ZNF704: variants seen among roughly 807,000 people sequenced by gnomAD.
ZNF704 encodes glucocorticoid induced gene 1.
ZNF704 carries 10 observed loss-of-function variants against 44.7 expected under a neutral mutation model. The ratio of observed to expected loss-of-function variants is 0.22; its 90% CI spans 0.14 to 0.38. The LOEUF (loss-of-function observed/expected upper bound fraction) is 0.38, where lower values mean the gene tolerates loss of function less well. Ranked by LOEUF, ZNF704 falls within the 10% of genes least tolerant of loss-of-function variation. ZNF704 has a pLI of 1.00. For missense variants in ZNF704, 390 were observed against 545.5 expected (o/e 0.71, Z 2.84); for synonymous variants, 211 against 207.6 (o/e 1.02, Z -0.14).
Position 80,857,486 on chromosome 8 carries a change from C to G in ZNF704, c.-22+17085G>C, listed in dbSNP as rs941854661. ...CTATTGAGATAATCATATGGTGTTA[C>G]CCTTTCAATCTATTAATACAGTAAT... On this transcript the variant is annotated intron_variant, in intron 1 of 8. Coordinates refer to ENST00000327835, the MANE Select transcript of ZNF704 (RefSeq NM_001033723.3). 5.3e-5 allele frequency among the ~76,000 whole-genome samples: 8 copies of G among 152,190 alleles called. No individual in the cohort carries two copies. The South Asian group carries it at 1.4e-3, about 28-fold the overall frequency.
chr8:80,750,170 C>T (rs1563540560), intron 2 of ZNF704, among the ~76,000 whole-genome samples: 2 of 152,138 alleles, frequency 1.3e-5, no homozygotes, highest in African/African-American at 2.4e-5. Context: ...TCCCCCCAGG[C>T]AGCTGCAACA....
At chr8:80,709,254 C>T (rs2131656320) in intron 2 of ZNF704, among the ~76,000 whole-genome samples, 1 of 151,864 alleles carries the variant, frequency 6.6e-6, no homozygotes, top group East Asian at 1.9e-4. Context: ...ATCATGCTGG[C>T]TAACACGGTG....
At chr8:80,705,951 C>G (rs912983895) in intron 2 of ZNF704, among the ~76,000 whole-genome samples, 2 of 152,190 alleles carry the variant, frequency 1.3e-5, no homozygotes, top group African/African-American at 4.8e-5. Flanking sequence ...ACCAGTCACT[C>G]CTGGAGTCCT....
chr8:80,848,024 T>C (rs907447510), intron 1 of ZNF704, among the ~76,000 whole-genome samples: 9 of 152,320 alleles, frequency 5.9e-5, no homozygotes, highest in Middle Eastern at 3.4e-3. Context: ...AACCCACATG[T>C]CCTTCAATGG....
At chr8:80,650,358 A>C (rs1434720961) in intron 7 of ZNF704, among the ~76,000 whole-genome samples, 1 of 152,212 alleles carries the variant, frequency 6.6e-6, no homozygotes, top group East Asian at 1.9e-4. Context: ...TCAGACGATC[A>C]AACTACTCCG....
chr8:80,761,762 G>T (rs541166388), intron 2 of ZNF704, among the ~76,000 whole-genome samples: 1 of 152,332 alleles, frequency 6.6e-6, no homozygotes, highest in African/African-American at 2.4e-5. Flanking sequence ...GGGTGTAAAA[G>T]TTATGAGAAG....
At chr8:80,715,210 T>C (rs778802232) in intron 2 of ZNF704, among the ~76,000 whole-genome samples, 1 of 152,244 alleles carries the variant, frequency 6.6e-6, no homozygotes, top group Admixed American at 6.5e-5. Context: ...TCGGACACTA[T>C]TAATGTATAA....
chr8:80,690,846 T>TA (rs1286976067), intron 3 of ZNF704, among the ~76,000 whole-genome samples: 1 of 152,100 alleles, frequency 6.6e-6, no homozygotes, highest in African/African-American at 2.4e-5. Flanking sequence ...CTGTCTCTAC[T>TA]AAAAATACAA....
In ZNF704 at chr8:80,689,958, T is replaced by G. The variant is rs564885231; in HGVS notation, c.326-2500A>C. Among the ~76,000 whole-genome samples the G allele has an allele frequency of 2.0e-5, 3 of 152,190 alleles. No individual in the cohort carries two copies. The East Asian group carries it at 5.8e-4, about 29-fold the overall frequency. The stretch of plus-strand genomic sequence containing the variant: ...CTGGACTCTCACCCTCTTTGCAGAC[T>G]CACTTCCTGATAGAATGATCCTTTT... On this transcript the variant is annotated intron_variant, in intron 3 of 8. Coordinates refer to ENST00000327835, the MANE Select transcript of ZNF704 (RefSeq NM_001033723.3).
Position 80,782,838 on chromosome 8 carries a change from C to T in ZNF704, c.221+38536G>A, listed in dbSNP as rs529182347. Among the ~76,000 whole-genome samples the T allele has an allele frequency of 1.2e-4, 18 of 152,114 alleles. No homozygotes were observed. The South Asian group carries it at 3.5e-3, about 30-fold the overall frequency. On this transcript the variant is annotated intron_variant, in intron 2 of 8. Transcript: ENST00000327835. ...AATCCTCACAAAATCCTCCTGTCGT[C>T]CCTCTATGTGGGTTTTGCATCCCGT... is the stretch of plus-strand genomic sequence containing the variant.
chr8:80,873,790 C>G (rs2130086331), intron 1 of ZNF704: 1 of 151,938 alleles, frequency 6.6e-6, no homozygotes, highest in African/African-American at 2.4e-5. Context: ...CTAGAAGCAG[C>G]AGCACCGGCG....
At chr8:80,869,639 T>A (rs1282574120) in intron 1 of ZNF704, among the ~76,000 whole-genome samples, 1 of 152,214 alleles carries the variant, frequency 6.6e-6, no homozygotes, top group Non-Finnish European at 1.5e-5. Context: ...ACATCTTTGG[T>A]TCCTCCCTAA....
chr8:80,721,072 T>C (rs1414837980), intron 2 of ZNF704, among the ~76,000 whole-genome samples: 2 of 152,194 alleles, frequency 1.3e-5, no homozygotes, highest in Non-Finnish European at 2.9e-5. Flanking sequence ...GTCAATTGCT[T>C]ACACCCTCTT....
intron 2 of ZNF704, among the ~76,000 whole-genome samples, chr8:80,753,871 C>G (rs1806990772): frequency 6.6e-6 from 1 of 152,196 alleles, no homozygotes; most frequent in African/African-American, 2.4e-5. Context: ...CTCCGACCCT[C>G]AAAGGCAGAC....
intron 1 of ZNF704, among the ~76,000 whole-genome samples, chr8:80,843,223 G>A (rs1197235126): frequency 2.0e-5 from 3 of 152,102 alleles, no homozygotes; most frequent in Non-Finnish European, 2.9e-5. Flanking sequence ...ATCTGTAGAC[G>A]GTGGGACTTT....
Position 80,746,889 on chromosome 8 carries a change from A to G in ZNF704, c.222-53782T>C, listed in dbSNP as rs142500646. Among the ~76,000 whole-genome samples the G allele has an allele frequency of 2.4e-3, 359 of 152,312 alleles. 1 individual carries two copies. The highest frequency in any genetic ancestry group is 8.3e-3 in the African/African-American group (344 of 41,554). On this transcript the variant is annotated intron_variant, in intron 2 of 8. Coordinates refer to ENST00000327835, the MANE Select transcript of ZNF704 (RefSeq NM_001033723.3). ...ACATTATTAATAAGGTGAAATGAAA[A>G]TATAGTTGGGAAAGTACACATCAAT...
chr8:80,853,319 G>A (rs189124218), intron 1 of ZNF704, among the ~76,000 whole-genome samples: 10 of 152,312 alleles, frequency 6.6e-5, no homozygotes, highest in East Asian at 5.8e-4. Flanking sequence ...AGTGAGCCAC[G>A]TTTGCACCAC....
chr8:80,840,129 C>A (rs1402766896), intron 1 of ZNF704, among the ~76,000 whole-genome samples: 1 of 152,126 alleles, frequency 6.6e-6, no homozygotes, highest in Non-Finnish European at 1.5e-5. Flanking sequence ...ATGAGGCCAG[C>A]CTGCAAGAGC....
At chr8:80,851,158 T>C (rs1394769225) in intron 1 of ZNF704, among the ~76,000 whole-genome samples, 2 of 152,188 alleles carry the variant, frequency 1.3e-5, no homozygotes, top group East Asian at 3.9e-4. Flanking sequence ...ATACAGTGTT[T>C]GTGGCGATTC....
Sources: allele counts gnomAD v4.1 joint callset (sites outside exome capture counted in the v4.1 genomes callset), GRCh38; gene constraint gnomAD v4.1.1; transcripts MANE v1.5; gene names NCBI Gene and HGNC (gene_info 2026-07-23, HGNC 2026-07-21).